Variants in DEFB124 observed in about 807,000 individuals in gnomAD.
DEFB124 encodes beta-defensin 124.
For synonymous variants in DEFB124, 38 were observed against 36.5 expected (o/e 1.04, Z -0.15); for missense variants, 78 against 83.1 (o/e 0.94, Z 0.24).
chr20:31,467,033 G>T (rs1367066638), intron 2 of DEFB124, among the ~76,000 whole-genome samples: 1 of 152,170 alleles, frequency 6.6e-6, no homozygotes, highest in East Asian at 1.9e-4. Flanking sequence ...AATGATGAGG[G>T]TACTGTGATG....
At chr20:31,471,407 G>A (rs1980297443) in intron 2 of DEFB124, among the ~76,000 whole-genome samples, 1 of 125,204 alleles carries the variant, frequency 8.0e-6, no homozygotes, top group Non-Finnish European at 1.7e-5. Flanking sequence ...GCCGGGCGGG[G>A]GGCTGACCCC....
chr20:31,466,104 C>G (rs1980077197), intron 2 of DEFB124, among the ~76,000 whole-genome samples: 1 of 152,164 alleles, frequency 6.6e-6, no homozygotes, highest in Non-Finnish European at 1.5e-5. Context: ...TTGCAGTGAG[C>G]TGAGATTGTG....
chr20:31,471,668 G>A (rs1309681407), intron 2 of DEFB124, among the ~76,000 whole-genome samples: 2 of 142,002 alleles, frequency 1.4e-5, no homozygotes, highest in Non-Finnish European at 3.0e-5. Context: ...CGGGCGGAGG[G>A]GCTCCTCACT....
rs34150499 is a variant in DEFB124, at chr20:31,472,917, G to GCACA, written c.58+35_58+38dup. On this transcript the variant is annotated intron_variant, in intron 2 of 2. Coordinates refer to ENST00000317676, the MANE Select transcript of DEFB124 (RefSeq NM_001037500.2). ...TCCTCATTTTTACAAGCACACATGT[G>GCACA]CACACACACACACACACACATGCAC... 11,631 of 1,511,690 alleles carry GCACA rather than the reference G, an allele frequency of 7.7e-3. 162 individuals are homozygous for GCACA. The African/African-American group carries it at 0.097, about 13-fold the overall frequency. 93.6% of individuals were successfully genotyped at this position (1,511,690 alleles called of 1,614,324 possible). A position where few individuals can be genotyped will look rare whatever the true frequency, so the allele number is the denominator to read the frequency against.
intron 2 of DEFB124, chr20:31,472,682 CT>C (rs1187010916): frequency 2.5e-6 from 1 of 402,690 alleles, no homozygotes; most frequent in Admixed American, 4.1e-5. Context: ...ACCTTCTTTT[CT>C]TTCACTGCTA....
intron 2 of DEFB124, 120 bp downstream of exon 2, chr20:31,472,836 G>T: frequency 7.7e-7 from 1 of 1,302,270 alleles, no homozygotes. Flanking sequence ...CAGTGGTGGG[G>T]CCAGAACTTA....
chr20:31,471,057 A>AC (rs539906022), intron 2 of DEFB124, among the ~76,000 whole-genome samples: 1,101 of 63,552 alleles, frequency 0.017, 18 homozygotes, highest in African/African-American at 0.06. Context: ...CGGGGGGCTG[A>AC]CCCCCCCCAC....
intron 2 of DEFB124, among the ~76,000 whole-genome samples, chr20:31,466,643 A>G (rs1980092140): frequency 7.2e-6 from 1 of 138,334 alleles, no homozygotes; most frequent in East Asian, 2.1e-4. Context: ...CCGAGGTCAT[A>G]CCACCATTGA....
At chr20:31,466,400 G>C (rs989232994) in intron 2 of DEFB124, among the ~76,000 whole-genome samples, 2 of 151,708 alleles carry the variant, frequency 1.3e-5, no homozygotes, top group African/African-American at 4.9e-5. Flanking sequence ...AGGAGTTCGA[G>C]ACCAGCCTGG....
rs1213098938 is a variant in DEFB124, at chr20:31,473,028, T to G, written c.-15A>C. On this transcript the variant is annotated 5_prime_UTR_variant, in exon 2 of 3. Transcript: ENST00000317676. The stretch of plus-strand genomic sequence containing the variant: ...AGCTGTGTCATGGCCACGGGGCTCC[T>G]GGGGAGGCTGCTGGAGAGAGCACAA... 3 of 1,613,766 alleles carry G rather than the reference T, an allele frequency of 1.9e-6. No individual in the cohort carries two copies. Among genetic ancestry groups the G allele is most frequent in the Non-Finnish European group, 1.7e-6 (2 of 1,179,912 alleles).
In DEFB124 at chr20:31,473,003, A is replaced by C; in HGVS notation, c.11T>G (p.Leu4Arg). MTQ[L>R]LLFLVALLVL... The stretch of plus-strand genomic sequence containing the variant: ...CAGGAGAGCCACAAGGAACAGAAGC[A>C]GCTGTGTCATGGCCACGGGGCTCCT... The change falls in exon 2 of 3, where the codon CTG (leucine) becomes CGG (arginine). Residue 4 changes from leucine to arginine, a missense_variant. By Grantham distance (102) the Leu-to-Arg change is moderately radical. Coordinates refer to ENST00000317676, the MANE Select transcript of DEFB124 (RefSeq NM_001037500.2). 1 of 1,614,140 alleles carries C rather than the reference A, an allele frequency of 6.2e-7. No homozygotes were observed. The highest frequency in any genetic ancestry group is 8.5e-7 in the Non-Finnish European group (1 of 1,180,036).
intron 2 of DEFB124, among the ~76,000 whole-genome samples, chr20:31,468,561 C>T (rs560033859): frequency 3.3e-4 from 50 of 151,862 alleles, no homozygotes; most frequent in Admixed American, 2.9e-3. Context: ...CTGCAACCTC[C>T]GCCTCCCGGG....
chr20:31,471,997 G>C (rs1399327334), intron 2 of DEFB124, among the ~76,000 whole-genome samples: 4 of 152,186 alleles, frequency 2.6e-5, no homozygotes, highest in Non-Finnish European at 5.9e-5. Context: ...TTCCCAGACG[G>C]GGTGGCGGCC....
chr20:31,473,093 C>A (rs966313876), intron 1 of DEFB124, 55 bp from the exon 2 acceptor site: 32 of 1,525,824 alleles, frequency 2.1e-5, no homozygotes, highest in Non-Finnish European at 4.5e-6. Context: ...CTGCTTCCAG[C>A]CCAGGCTTTA....
In DEFB124 at chr20:31,469,025, A is replaced by G. The variant is rs1980154496; in HGVS notation, c.59-3362T>C. On this transcript the variant is annotated intron_variant, in intron 2 of 2. Coordinates refer to ENST00000317676, the MANE Select transcript of DEFB124 (RefSeq NM_001037500.2). ...ATTCTGTATTTCTGCATAAGTTTAA[A>G]TTTTCCCATAATAAAAATGTTTAAA... Among the ~76,000 whole-genome samples, 7 of 152,308 alleles carry G rather than the reference A, an allele frequency of 4.6e-5. No homozygotes were observed. The South Asian group carries it at 1.5e-3, about 32-fold the overall frequency.
At chr20:31,470,551 G>C (rs1158117843) in intron 2 of DEFB124, among the ~76,000 whole-genome samples, 1 of 135,568 alleles carries the variant, frequency 7.4e-6, no homozygotes, top group Non-Finnish European at 1.6e-5. Flanking sequence ...CTGGCCGGGC[G>C]GGGGGCTGAC....
intron 2 of DEFB124, among the ~76,000 whole-genome samples, chr20:31,466,344 A>G (rs894034810): frequency 5.3e-5 from 8 of 151,930 alleles, no homozygotes; most frequent in African/African-American, 7.3e-5. Context: ...TCACGCCTGT[A>G]ATCTCAGCAC....
intron 2 of DEFB124, among the ~76,000 whole-genome samples, chr20:31,471,811 CGGGCA>C (rs1462537868): frequency 2.7e-5 from 4 of 148,508 alleles, no homozygotes; most frequent in Non-Finnish European, 6.0e-5. Flanking sequence ...GATGGGCGGC[CGGGCA>C]GAGACGCTCC....
intron 2 of DEFB124, among the ~76,000 whole-genome samples, chr20:31,470,380 G>A (rs1980214117): frequency 6.9e-6 from 1 of 143,990 alleles, no homozygotes; most frequent in African/African-American, 2.6e-5. Flanking sequence ...CGGGCGGGGG[G>A]CTGACCCCCC....
Sources: gnomAD v4.1 joint callset for allele counts (sites outside exome capture counted in the v4.1 genomes callset) on GRCh38, gnomAD v4.1.1 for gene constraint, MANE v1.5 for transcripts, NCBI Gene and HGNC (gene_info 2026-07-23, HGNC 2026-07-21) for gene names.